Variants in ADAMTS12 observed in about 807,000 individuals in gnomAD.
ADAMTS12 encodes A disintegrin and metalloproteinase with thrombospondin motifs 12.
Under a neutral mutation model 167.8 loss-of-function variants are expected in ADAMTS12, and 118 were observed. The observed-to-expected ratio is 0.70, with a 90% CI of 0.61 to 0.82. The LOEUF is 0.82. Among genes scored for constraint, ADAMTS12 ranks in the 40% least tolerant of loss-of-function variants. ADAMTS12 has a pLI of 0.00. For synonymous variants in ADAMTS12, 704 were observed against 716.9 expected (o/e 0.98, Z 0.29); for missense variants, 1,916 against 1,998.8 (o/e 0.96, Z 0.79).
intron 12 of ADAMTS12, among the ~76,000 whole-genome samples, chr5:33,633,797 T>A (rs996601359): frequency 6.6e-6 from 1 of 152,148 alleles, no homozygotes; most frequent in African/African-American, 2.4e-5. Flanking sequence ...TCAACCTTGT[T>A]GAGTCCATCA....
chr5:33,576,381 T>C lies in ADAMTS12; in HGVS notation c.3645A>G (p.Thr1215=), dbSNP rs1482222407. 13 of 1,614,190 alleles carry C rather than the reference T, an allele frequency of 8.1e-6. No homozygotes were observed. The highest frequency in any genetic ancestry group is 2.2e-5 in the East Asian group (1 of 44,882). The change falls in exon 19 of 24, where the codon ACA becomes ACG. Residue 1215 remains threonine, a synonymous_variant. Coordinates refer to ENST00000504830, the MANE Select transcript of ADAMTS12 (RefSeq NM_030955.4). ...SRESWWPPFS[T]VMEGLLPSQR... is the part of the protein sequence containing the mutation. ...GGCTGGGGAGCAGTCCTTCCATTAC[T>C]GTGCTGAAGGGTGGCCACCAGGACT...
chr5:33,816,190 A>G (rs571264950), intron 2 of ADAMTS12, among the ~76,000 whole-genome samples: 1 of 46,122 alleles, frequency 2.2e-5, no homozygotes, highest in East Asian at 3.2e-4. Flanking sequence ...ATTATAAATG[A>G]AACAGTTTAT....
intron 13 of ADAMTS12, among the ~76,000 whole-genome samples, chr5:33,625,039 A>G (rs1381979342): frequency 6.6e-6 from 1 of 152,186 alleles, no homozygotes; most frequent in Non-Finnish European, 1.5e-5. Flanking sequence ...TATTTTGCTC[A>G]GGCCAGAGTG....
rs538128545 is a variant in ADAMTS12 at position 33,624,589 on chromosome 5, C to A, written c.2023-238G>T. Among the ~76,000 whole-genome samples, 76 of 152,272 alleles carry A rather than the reference C, an allele frequency of 5.0e-4. 2 individuals carry two copies. The South Asian group carries it at 0.012, about 25-fold the overall frequency. ...ACATTGAGTGAGGTCTCTAATTTCCCGAGTCAGAGGCAGAACTGAACAAAA... is the reference window on the plus strand; with the variant it reads ...ACATTGAGTGAGGTCTCTAATTTCCAGAGTCAGAGGCAGAACTGAACAAAA... On this transcript the variant is annotated intron_variant, in intron 13 of 23. Coordinates refer to ENST00000504830, the MANE Select transcript of ADAMTS12 (RefSeq NM_030955.4).
intron 2 of ADAMTS12, among the ~76,000 whole-genome samples, chr5:33,848,980 AAT>A (rs1386436234): frequency 1.1e-4 from 16 of 149,678 alleles, no homozygotes; most frequent in Admixed American, 2.7e-4. Flanking sequence ...ATTGCATAGC[AAT>A]ATATATATAT....
intron 23 of ADAMTS12, among the ~76,000 whole-genome samples, chr5:33,531,033 G>C (rs574531983): frequency 6.6e-6 from 1 of 152,276 alleles, no homozygotes; most frequent in African/African-American, 2.4e-5. Context: ...TATAAAAAGA[G>C]GAGAAGAGAC....
chr5:33,679,348 G>A (rs908388840), intron 5 of ADAMTS12, among the ~76,000 whole-genome samples: 1 of 152,152 alleles, frequency 6.6e-6, no homozygotes, highest in African/African-American at 2.4e-5. Flanking sequence ...AGGGAAAGAG[G>A]TTTAATTGGC....
At chr5:33,705,544 G>C in intron 3 of ADAMTS12, among the ~76,000 whole-genome samples, 1 of 152,116 alleles carries the variant, frequency 6.6e-6, no homozygotes, top group East Asian at 1.9e-4. Flanking sequence ...CAGGCACGGT[G>C]GCTCAAGCCT....
At chr5:33,613,901 T>C (rs377230232) in intron 16 of ADAMTS12, among the ~76,000 whole-genome samples, 3 of 152,286 alleles carry the variant, frequency 2.0e-5, no homozygotes, top group Admixed American at 6.5e-5. Flanking sequence ...ATTTGAGGAG[T>C]TGTTCCACTT....
At chr5:33,805,925 T>TAA (rs34911453) in intron 2 of ADAMTS12, among the ~76,000 whole-genome samples, 1 of 146,472 alleles carries the variant, frequency 6.8e-6, no homozygotes, top group Non-Finnish European at 1.5e-5. Flanking sequence ...ACCTCTCATT[T>TAA]AAAAAAAAAA....
intron 2 of ADAMTS12, among the ~76,000 whole-genome samples, chr5:33,753,448 C>A (rs1237157156): frequency 6.6e-6 from 1 of 152,090 alleles, no homozygotes; most frequent in Non-Finnish European, 1.5e-5. Context: ...GAGTCAGAGA[C>A]CAGGCACAAG....
intron 2 of ADAMTS12, among the ~76,000 whole-genome samples, chr5:33,779,113 T>A (rs1746020798): frequency 6.6e-6 from 1 of 151,730 alleles, no homozygotes. Context: ...CCTTAAAAAA[T>A]TAAAAATAGA....
In ADAMTS12 at chr5:33,887,114, C is replaced by A. The variant is rs570718432; in HGVS notation, c.127+4616G>T. The stretch of plus-strand genomic sequence containing the variant: ...CAGATTTGTTAGCTATAATCTTGGC[C>A]AATGAAAGCAGAACTCAGAGGAGAT... On this transcript the variant is annotated intron_variant, in intron 1 of 23. Transcript: ENST00000504830. Among the ~76,000 whole-genome samples, 44 of 152,030 alleles carry A rather than the reference C, an allele frequency of 2.9e-4. 1 individual carries two copies. The South Asian group carries it at 9.2e-3, about 32-fold the overall frequency.
intron 19 of ADAMTS12, among the ~76,000 whole-genome samples, chr5:33,563,714 GTC>G (rs1422148822): frequency 6.6e-6 from 1 of 152,176 alleles, no homozygotes; most frequent in Non-Finnish European, 1.5e-5. Flanking sequence ...TGAGAGGTGA[GTC>G]TCTATCAAAA....
chr5:33,806,601 G>A (rs550681190), intron 2 of ADAMTS12, among the ~76,000 whole-genome samples: 1 of 101,758 alleles, frequency 9.8e-6, no homozygotes, highest in African/African-American at 4.0e-5. Context: ...TTCCTGCCAA[G>A]GGTACATTAC....
chr5:33,616,114 T>A, intron 14 of ADAMTS12, 42 bp from the exon 15 acceptor site: 2 of 1,605,084 alleles, frequency 1.2e-6, no homozygotes, highest in Non-Finnish European at 1.7e-6. Context: ...CACGCCAGCT[T>A]CTCAGCTGAA....
chr5:33,571,617 T>C (rs529602378), intron 19 of ADAMTS12, among the ~76,000 whole-genome samples: 1 of 151,928 alleles, frequency 6.6e-6, no homozygotes, highest in Non-Finnish European at 1.5e-5. Context: ...GGGAAATTTA[T>C]AGCACTAAAT....
At chr5:33,681,858 A>G (rs1317108725) in intron 5 of ADAMTS12, among the ~76,000 whole-genome samples, 1 of 152,202 alleles carries the variant, frequency 6.6e-6, no homozygotes, top group Non-Finnish European at 1.5e-5. Context: ...AAAGACCAGA[A>G]AGGTAGATGG....
intron 2 of ADAMTS12, among the ~76,000 whole-genome samples, chr5:33,827,932 T>C (rs1748152095): frequency 6.6e-6 from 1 of 152,108 alleles, no homozygotes; most frequent in Non-Finnish European, 1.5e-5. Context: ...TATTCCATAG[T>C]GTGTATTTGC....
Sources: allele counts gnomAD v4.1 joint callset (sites outside exome capture counted in the v4.1 genomes callset), GRCh38; gene constraint gnomAD v4.1.1; transcripts MANE v1.5; gene names NCBI Gene and HGNC (gene_info 2026-07-23, HGNC 2026-07-21).